The following MGAT4C variants were observed in gnomAD, a reference collection of about 807,000 sequenced individuals.
MGAT4C encodes the protein alpha-1,3-mannosyl-glycoprotein 4-beta-N-acetylglucosaminyltransferase C.
MGAT4C carries 19 observed loss-of-function variants against 40.1 expected under a neutral mutation model. The observed-to-expected ratio is 0.47, with a 90% CI of 0.33 to 0.70. The LOEUF (loss-of-function observed/expected upper bound fraction) is 0.70, where lower values mean the gene tolerates loss of function less well. Ranked by LOEUF, MGAT4C falls within the 30% of genes least tolerant of loss-of-function variation. The pLI is 0.02. For synonymous variants in MGAT4C, 181 were observed against 187.1 expected, an observed-to-expected ratio of 0.97 and a Z score of 0.27; for missense variants, 491 against 563.2, an observed-to-expected ratio of 0.87 and a Z score of 1.30.
intron 2 of MGAT4C, among the ~76,000 whole-genome samples, chr12:86,684,192 C>G (rs1950031812): frequency 6.6e-6 from 1 of 152,086 alleles, no homozygotes; most frequent in Non-Finnish European, 1.5e-5. Flanking sequence ...TGCTCCTCAC[C>G]CCTTAACAGG....
intron 2 of MGAT4C, among the ~76,000 whole-genome samples, chr12:86,438,655 G>T (rs149963986): frequency 6.6e-6 from 1 of 151,888 alleles, no homozygotes; most frequent in Admixed American, 6.6e-5. Context: ...TTATATAAAT[G>T]CTCCACTTAA....
At chr12:86,243,931 T>C (rs777356890) in intron 1 of MGAT4C, among the ~76,000 whole-genome samples, 3 of 152,150 alleles carry the variant, frequency 2.0e-5, no homozygotes, top group Non-Finnish European at 4.4e-5. Context: ...ACAAATACAT[T>C]TTTCATGCAG....
At chr12:86,657,075 A>T (rs1275141189) in intron 2 of MGAT4C, among the ~76,000 whole-genome samples, 2 of 152,016 alleles carry the variant, frequency 1.3e-5, no homozygotes, top group East Asian at 3.9e-4. Context: ...TGCATCCTAA[A>T]AGTGAGAAGC....
chr12:86,482,240 T>C (rs890733538), intron 2 of MGAT4C, among the ~76,000 whole-genome samples: 1 of 151,970 alleles, frequency 6.6e-6, no homozygotes, highest in Non-Finnish European at 1.5e-5. Flanking sequence ...ACTACACTAT[T>C]TTTACACAAT....
intron 2 of MGAT4C, among the ~76,000 whole-genome samples, chr12:86,604,982 A>G (rs1296273098): frequency 1.3e-5 from 2 of 152,114 alleles, no homozygotes; most frequent in Non-Finnish European, 2.9e-5. Context: ...TTCAAAGACC[A>G]CAGAATACAG....
At chr12:86,107,140 A>G (rs1277156821) in intron 1 of MGAT4C, among the ~76,000 whole-genome samples, 2 of 152,236 alleles carry the variant, frequency 1.3e-5, no homozygotes, top group Non-Finnish European at 2.9e-5. Context: ...GTATCTTGAA[A>G]TTGAGAATTT....
intron 1 of MGAT4C, among the ~76,000 whole-genome samples, chr12:86,795,792 T>C (rs1338115593): frequency 6.6e-6 from 1 of 151,988 alleles, no homozygotes; most frequent in African/African-American, 2.4e-5. Flanking sequence ...GATGCCTACT[T>C]GCTCTGAAAT....
At chr12:86,302,102 T>A (rs951507634) in intron 4 of MGAT4C, among the ~76,000 whole-genome samples, 10 of 150,998 alleles carry the variant, frequency 6.6e-5, no homozygotes, top group Non-Finnish European at 1.3e-4. Context: ...TAGGTTTAAA[T>A]TCAGTCATGA....
intron 1 of MGAT4C, among the ~76,000 whole-genome samples, chr12:86,252,544 G>A (rs897731086): frequency 2.6e-5 from 4 of 151,790 alleles, no homozygotes; most frequent in African/African-American, 7.2e-5. Flanking sequence ...TAAATAAGTT[G>A]AATAGCGAAT....
At chr12:86,502,577 C>T (rs184760409) in intron 2 of MGAT4C, among the ~76,000 whole-genome samples, 41 of 148,962 alleles carry the variant, frequency 2.8e-4, no homozygotes, top group Admixed American at 1.5e-3. Context: ...GTTGTTGGCA[C>T]GGGGAAAGCA....
chr12:86,215,714 C>T (rs555171418), intron 1 of MGAT4C, among the ~76,000 whole-genome samples: 16 of 152,200 alleles, frequency 1.1e-4, no homozygotes, highest in Admixed American at 7.2e-4. Context: ...GTTCTTTCCT[C>T]GGATAAACTC....
chr12:86,689,662 C>T (rs986898991), intron 2 of MGAT4C, among the ~76,000 whole-genome samples: 27 of 152,128 alleles, frequency 1.8e-4, no homozygotes, highest in Non-Finnish European at 2.2e-4. Context: ...CAGCAAAGAT[C>T]GCTGCCTTCT....
At chr12:86,093,281 CAGCTAA>C (rs1417329017) in intron 1 of MGAT4C, among the ~76,000 whole-genome samples, 2 of 152,162 alleles carry the variant, frequency 1.3e-5, no homozygotes, top group African/African-American at 2.4e-5. Context: ...TGACATCATA[CAGCTAA>C]AGTTCTCATA....
At chr12:85,990,870 G>A (rs1885834227) in intron 2 of MGAT4C, among the ~76,000 whole-genome samples, 1 of 152,096 alleles carries the variant, frequency 6.6e-6, no homozygotes, top group Non-Finnish European at 1.5e-5. Context: ...TGAGGATTTG[G>A]GTGATATATG....
intron 3 of MGAT4C, among the ~76,000 whole-genome samples, chr12:86,387,602 A>G (rs1299826405): frequency 1.3e-5 from 2 of 152,134 alleles, no homozygotes; most frequent in East Asian, 3.8e-4. Flanking sequence ...ACAATGTTCA[A>G]TGGCATTATT....
At chr12:86,284,968 T>G (rs1953315494) in intron 4 of MGAT4C, among the ~76,000 whole-genome samples, 1 of 152,044 alleles carries the variant, frequency 6.6e-6, no homozygotes, top group African/African-American at 2.4e-5. Context: ...TGTCTAAACA[T>G]TAGACAAAAT....
At position 85,970,890 on chromosome 12, in the gene MGAT4C, C is replaced by T. The variant is rs188304739; in HGVS notation, c.*8399G>A. 2.6e-5 allele frequency: 4 copies of T among 151,254 alleles called. No homozygotes were observed. Among genetic ancestry groups the T allele is most frequent in the African/African-American group, 4.8e-5 (2 of 41,434 alleles). 9.4% of individuals were successfully genotyped at this position (151,254 alleles called of 1,614,324 possible). A position where few individuals can be genotyped will look rare whatever the true frequency, so the allele number is the denominator to read the frequency against. ...CTACATAATGTCAATCTCTATTGCTCCTAACACATGAGTGGCTAAAATTGC... is the reference window on the plus strand; with the variant it reads ...CTACATAATGTCAATCTCTATTGCTTCTAACACATGAGTGGCTAAAATTGC... On this transcript the variant is annotated 3_prime_UTR_variant, in exon 5 of 5. Transcript: ENST00000611864.
intron 3 of MGAT4C, among the ~76,000 whole-genome samples, chr12:86,386,762 G>C (rs1260214239): frequency 1.3e-5 from 2 of 152,118 alleles, no homozygotes; most frequent in Admixed American, 6.6e-5. Flanking sequence ...AAGGATCTCA[G>C]TGGACTTTAG....
At chr12:86,498,384 C>T (rs1958279634) in intron 2 of MGAT4C, among the ~76,000 whole-genome samples, 1 of 151,270 alleles carries the variant, frequency 6.6e-6, no homozygotes, top group Non-Finnish European at 1.5e-5. Flanking sequence ...TTAAAAAAAC[C>T]ACAGGTGAAC....
Sources: gnomAD v4.1 joint callset for allele counts (sites outside exome capture counted in the v4.1 genomes callset) on GRCh38, gnomAD v4.1.1 for gene constraint, MANE v1.5 for transcripts, NCBI Gene and HGNC (gene_info 2026-07-23, HGNC 2026-07-21) for gene names.